The following ZAN variants were observed in gnomAD, a reference collection of about 807,000 sequenced individuals.
ZAN encodes the protein zonadhesin (gene/pseudogene).
ZAN carries 260 observed loss-of-function variants against 286.2 expected under a neutral mutation model. That is an observed-to-expected ratio of 0.91 (90% CI 0.82 to 1.01). ZAN has a LOEUF of 1.01. ZAN is among the 50% of genes least tolerant of loss of function. ZAN has a pLI of 0.00. For missense variants in ZAN, 3,410 were observed against 3,639.2 expected, an observed-to-expected ratio of 0.94 and a Z score of 1.62; for synonymous variants, 1,368 against 1,417.5, an observed-to-expected ratio of 0.97 and a Z score of 0.79.
rs550673734 is a variant in ZAN, at chr7:100,767,062, C to T, written c.4665C>T (p.Gly1555=). 1.2e-5 allele frequency: 19 copies of T among 1,613,930 alleles called. No homozygotes were observed. Among genetic ancestry groups the T allele is most frequent in the African/African-American group, 6.7e-5 (5 of 75,034 alleles). The part of the protein sequence containing the change: ...SGDPHYLTFD[G]ALHHFMGTCT... ...ACCCCCACTACCTGACCTTCGATGG[C>T]GCCTTGCACCACTTCATGGGCACCT... is the stretch of plus-strand genomic sequence containing the variant. Residue 1555 remains glycine (G), a synonymous_variant, in exon 25 of 48, where the codon GGC becomes GGT. Coordinates refer to ENST00000613979, the MANE Select transcript of ZAN (RefSeq NM_003386.3).
At chr7:100,783,176 G>A (rs1811302313) in intron 35 of ZAN, among the ~76,000 whole-genome samples, 1 of 152,176 alleles carries the variant, frequency 6.6e-6, no homozygotes, top group African/African-American at 2.4e-5. Context: ...GCTGAGAAAG[G>A]AGAATTGCTT....
intron 16 of ZAN, 75 bp downstream of exon 16, chr7:100,758,418 C>A: frequency 6.3e-7 from 1 of 1,589,266 alleles, no homozygotes; most frequent in Non-Finnish European, 8.6e-7. Flanking sequence ...CCCAATCCCT[C>A]GCTTGAGCAG....
In ZAN at chr7:100,797,494, C is replaced by T. The variant is rs369034469; in HGVS notation, c.8366+29C>T. ...AGTCCTGGGAAGGAGAGAGGAAGGG[C>T]GGGTGGGGTGTGCAAACCGGGAAGC... On this transcript the variant is annotated intron_variant, in intron 46 of 47. Coordinates refer to ENST00000613979, the MANE Select transcript of ZAN (RefSeq NM_003386.3). 5.6e-5 allele frequency: 88 copies of T among 1,564,162 alleles called. No individual in the cohort carries two copies. The African/African-American group carries it at 1.0e-3, about 18-fold the overall frequency.
Position 100,736,038 on chromosome 7 carries a change from C to T in ZAN, c.106+266C>T, listed in dbSNP as rs1196062640. On this transcript the variant is annotated intron_variant, in intron 3 of 47. Transcript: ENST00000613979. ...TCTCTTTCAAATCTCTGCTCTGGGC[C>T]GGGTGCTGTGGCTCACACCTGTCAT... 1.3e-4 allele frequency among the ~76,000 whole-genome samples: 18 copies of T among 141,196 alleles called. 4 individuals are homozygous for T. The highest frequency in any genetic ancestry group is 3.9e-4 in the African/African-American group (15 of 38,682). The allele number at this position is 141,196 out of a possible 152,430, so 92.6% of individuals were successfully genotyped here.
Position 100,753,028 on chromosome 7 carries a change from A to G in ZAN, c.2923A>G (p.Lys975Glu), listed in dbSNP as rs751317677. Residue 975 changes from lysine to glutamate, a missense_variant, in exon 14 of 48, where the codon AAA becomes GAA. Around this residue, in one of 7 missense-constraint regions of ZAN, gnomAD observed 1,042 missense variants for 1,058.0 expected, o/e 0.98. Transcript: ENST00000613979. ...GGAAAAACCCACCATCCCCACGGAA[A>G]AACTTACCATCCCCACGGAAAAACC... ...STEKPTIPTE[K>E]LTIPTEKPTI... 2.4e-5 allele frequency: 39 copies of G among 1,608,758 alleles called. No individual in the cohort carries two copies. The African/African-American group carries it at 5.0e-4, about 20-fold the overall frequency.
chr7:100,745,749 A>T (rs1429132351), intron 7 of ZAN, among the ~76,000 whole-genome samples: 1 of 148,678 alleles, frequency 6.7e-6, no homozygotes, highest in Admixed American at 6.7e-5. Flanking sequence ...AGCTGGGCGG[A>T]CTCCAGGTCC....
chr7:100,765,274 C>A, intron 22 of ZAN, 78 bp from the exon 23 acceptor site: 1 of 1,492,298 alleles, frequency 6.7e-7, no homozygotes, highest in South Asian at 1.2e-5. Context: ...GGGGCCCTTC[C>A]GAACGTGTCC....
intron 44 of ZAN, 50 bp from the exon 45 acceptor site, chr7:100,795,145 TG>T: frequency 6.4e-7 from 1 of 1,568,032 alleles, no homozygotes. Context: ...TTCCCTCAGC[TG>T]GGAGTGTCCT....
chr7:100,788,376 C>T (rs148616591), intron 38 of ZAN, among the ~76,000 whole-genome samples: 2,799 of 151,750 alleles, frequency 0.018, 60 homozygotes, highest in Non-Finnish European at 0.027. Context: ...CATAGCAAGA[C>T]GCAACATCTC....
chr7:100,790,816 G>A, intron 39 of ZAN, 126 bp from the exon 40 acceptor site: 1 of 1,049,276 alleles, frequency 9.5e-7, no homozygotes, highest in Non-Finnish European at 1.3e-6. Context: ...CCAGGAGGCG[G>A]AGGTTGCAGT....
intron 7 of ZAN, 51 bp from the exon 8 acceptor site, chr7:100,746,487 C>A: frequency 6.2e-7 from 1 of 1,600,662 alleles, no homozygotes; most frequent in Non-Finnish European, 8.5e-7. Flanking sequence ...TCTCTGCTGC[C>A]ATCTTCCCTC....
chr7:100,789,141 A>G, intron 38 of ZAN, 77 bp from the exon 39 acceptor site: 1 of 1,547,726 alleles, frequency 6.5e-7, no homozygotes, highest in Non-Finnish European at 8.7e-7. Flanking sequence ...TGACTGGGAA[A>G]AGTGAAGCCC....
rs58506423 is a variant in ZAN, at chr7:100,745,723, TA to T, written c.767-802del. On this transcript the variant is annotated intron_variant, in intron 7 of 47. Coordinates refer to ENST00000613979, the MANE Select transcript of ZAN (RefSeq NM_003386.3). Reference sequence around the variant, plus strand: ...CAACATCGTGAGACCGCCCATCTCTTAAAAAAAAAAAAATTAGCTGGGCGGA... The same window carrying T: ...CAACATCGTGAGACCGCCCATCTCTTAAAAAAAAAAAATTAGCTGGGCGGA... Among the ~76,000 whole-genome samples, 152 of 133,122 alleles carry T rather than the reference TA, an allele frequency of 1.1e-3. No individual in the cohort carries two copies. In the Middle Eastern group the frequency reaches 0.025, roughly 22 times the overall value. 87.3% of individuals were successfully genotyped at this position (133,122 alleles called of 152,430 possible). A position where few individuals can be genotyped will look rare whatever the true frequency, so the allele number is the denominator to read the frequency against.
In ZAN at chr7:100,789,274, C is replaced by G. The variant is rs990530511; in HGVS notation, c.7284C>G (p.Thr2428=). Residue 2428 remains threonine, a synonymous_variant, in exon 39 of 48, where the codon ACC becomes ACG. Coordinates refer to ENST00000613979, the MANE Select transcript of ZAN (RefSeq NM_003386.3). Reference sequence around the variant, plus strand: ...GGCCAAATGAACACCTGCGGGTCACCCTGTGGGGCCAACGGCTCTACCTGG... The same window carrying G: ...GGCCAAATGAACACCTGCGGGTCACGCTGTGGGGCCAACGGCTCTACCTGG... The part of the protein sequence containing the change: ...PYRPNEHLRV[T]LWGQRLYLVT... The G allele has an allele frequency of 6.2e-7, 1 of 1,613,860 alleles. No homozygotes were observed. The highest frequency in any genetic ancestry group is 8.5e-7 in the Non-Finnish European group (1 of 1,179,814).
In ZAN at chr7:100,735,735, G is replaced by A. The variant is rs772314067; in HGVS notation, c.69G>A (p.Pro23=). ...GACCCCCAAGGAAAGAGAAGCCTCC[G>A]GACCAGAAGCTGGTTGTTCGCAGCT... ...GAALFRKEKP[P]DQKLVVRSSR... is the part of the protein sequence containing the mutation. Residue 23 remains proline, a synonymous_variant, in exon 3 of 48, where the codon CCG becomes CCA. Transcript: ENST00000613979. 9 of 1,509,030 alleles carry A rather than the reference G, an allele frequency of 6.0e-6. 1 individual carries two copies. Among genetic ancestry groups the A allele is most frequent in the African/African-American group, 2.8e-5 (2 of 70,262 alleles). The allele number at this position is 1,509,030 out of a possible 1,614,324, so 93.5% of individuals were successfully genotyped here.
intron 45 of ZAN, 63 bp from the exon 46 acceptor site, chr7:100,797,303 C>A: frequency 1.3e-6 from 2 of 1,494,434 alleles, no homozygotes; most frequent in Non-Finnish European, 9.3e-7. Context: ...AAAGGGAGTA[C>A]CCCTCAGTCC....
At chr7:100,749,178 A>G (rs1399165452) in intron 11 of ZAN, among the ~76,000 whole-genome samples, 37 of 151,440 alleles carry the variant, frequency 2.4e-4, no homozygotes, top group Admixed American at 2.4e-3. Context: ...GACTCCACTA[A>G]AAAAAATGTA....
intron 25 of ZAN, 69 bp from the exon 26 acceptor site, chr7:100,767,761 AG>A (rs1810092502): frequency 6.6e-7 from 1 of 1,509,070 alleles, no homozygotes; most frequent in African/African-American, 1.4e-5. Context: ...TGCAGGCATG[AG>A]CCCCCGTCCT....
chr7:100,742,700 A>G (rs1256033517), intron 7 of ZAN, among the ~76,000 whole-genome samples: 1 of 76,216 alleles, frequency 1.3e-5, no homozygotes, highest in Non-Finnish European at 2.8e-5. Flanking sequence ...CCCCGTCTCC[A>G]CCAAAACCAG....
Sources: allele counts gnomAD v4.1 joint callset (sites outside exome capture counted in the v4.1 genomes callset), GRCh38; gene constraint gnomAD v4.1.1; regional missense constraint gnomAD v4.1.1; transcripts MANE v1.5; gene names NCBI Gene and HGNC (gene_info 2026-07-23, HGNC 2026-07-21).